Variants in INF2 observed in about 807,000 individuals in gnomAD.
The protein encoded by INF2 is inverted formin-2.
Under a neutral mutation model 123.5 loss-of-function variants are expected in INF2, and 43 were observed. That is an observed-to-expected ratio of 0.35 (90% CI 0.27 to 0.45). The LOEUF (loss-of-function observed/expected upper bound fraction) is 0.45, where lower values mean the gene tolerates loss of function less well. INF2 is among the 20% of genes least tolerant of loss of function. The pLI, the probability that INF2 is intolerant of heterozygous loss-of-function variation, is 1.00. For missense variants in INF2, 1,453 were observed against 1,682.7 expected (o/e 0.86, Z 2.39); for synonymous variants, 851 against 745.0 (o/e 1.14, Z -2.32).
Position 104,722,443 on chromosome 14 carries a change from C to G in INF2, c.*3650C>G, listed in dbSNP as rs992311586. On this transcript the variant is annotated 3_prime_UTR_variant, in exon 23 of 23. Transcript: ENST00000392634. ...GCTGGTGGCCCCCCCCAGGCCTTGGCAGCACCTCCTTGTCTGATGGGACTT... is the reference window on the plus strand; with the variant it reads ...GCTGGTGGCCCCCCCCAGGCCTTGGGAGCACCTCCTTGTCTGATGGGACTT... 2 of 152,300 alleles carry G rather than the reference C, an allele frequency of 1.3e-5. No individual in the cohort carries two copies. Among genetic ancestry groups the G allele is most frequent in the Non-Finnish European group, 2.9e-5 (2 of 68,100 alleles). The allele number at this position is 152,300 out of a possible 1,614,324, so 9.4% of individuals were successfully genotyped here.
In INF2 at chr14:104,712,416, C is replaced by T. The variant is rs765594057; in HGVS notation, c.2490-17C>T. On this transcript the variant is annotated splice_polypyrimidine_tract_variant and intron_variant, in intron 16 of 22. Coordinates refer to ENST00000392634, the MANE Select transcript of INF2 (RefSeq NM_022489.4). ...GTCAGCCGTTGCTGTCTCTGCCCGGCCCTCCTCACCTTTCAGGATCAACCT... is the reference window on the plus strand; with the variant it reads ...GTCAGCCGTTGCTGTCTCTGCCCGGTCCTCCTCACCTTTCAGGATCAACCT... The T allele has an allele frequency of 1.2e-5, 19 of 1,612,094 alleles. No homozygotes were observed. The highest frequency in any genetic ancestry group is 1.4e-5 in the Non-Finnish European group (16 of 1,179,596).
chr14:104,708,834 A>C, intron 10 of INF2, 102 bp downstream of exon 10: 1 of 1,181,542 alleles, frequency 8.5e-7, no homozygotes, highest in Non-Finnish European at 1.3e-6. Context: ...CGCCATGGGA[A>C]GTGCACACTG....
intron 1 of INF2, among the ~76,000 whole-genome samples, chr14:104,683,465 G>C (rs192156872): frequency 7.5e-6 from 1 of 132,780 alleles, no homozygotes; most frequent in Non-Finnish European, 1.6e-5. Context: ...GGGGCAGGGA[G>C]GGAGGTGTTC....
chr14:104,700,008 G>A (rs925506951), intron 1 of INF2, among the ~76,000 whole-genome samples: 1 of 152,150 alleles, frequency 6.6e-6, no homozygotes, highest in African/African-American at 2.4e-5. Context: ...CGTGGACCAG[G>A]CTGGGGAGTG....
chr14:104,713,679 C>T (rs1890160506), intron 20 of INF2, 73 bp downstream of exon 20: 46 of 1,510,890 alleles, frequency 3.0e-5, no homozygotes, highest in Non-Finnish European at 4.1e-5. Flanking sequence ...AGGAAGTCCT[C>T]CTGACTTCAC....
intron 2 of INF2, among the ~76,000 whole-genome samples, chr14:104,702,331 C>G (rs1465246110): frequency 6.6e-6 from 1 of 152,226 alleles, no homozygotes; most frequent in Non-Finnish European, 1.5e-5. Flanking sequence ...TGGTCTCTGC[C>G]TCTGCTCGTG....
At chr14:104,697,136 CAG>C (rs1400329779) in intron 1 of INF2, among the ~76,000 whole-genome samples, 5 of 152,228 alleles carry the variant, frequency 3.3e-5, no homozygotes, top group Non-Finnish European at 7.4e-5. Context: ...GGGGACTTCA[CAG>C]GGGAGGGGGC....
intron 10 of INF2, 69 bp downstream of exon 10, chr14:104,708,801 G>T (rs1257108562): frequency 4.1e-6 from 6 of 1,471,400 alleles, no homozygotes; most frequent in Non-Finnish European, 5.7e-6. Context: ...TCTGACTTGG[G>T]CCCAGCAGTG....
chr14:104,712,503 G>A lies in INF2; in HGVS notation c.2560G>A (p.Val854Met), dbSNP rs763715467. The A allele has an allele frequency of 4.3e-6, 7 of 1,612,572 alleles. No individual in the cohort carries two copies. In the East Asian group the frequency reaches 1.6e-4, roughly 36 times the overall value. ...GAAGCTTCTGGAGACCGAGCGGAAG[G>A]TGTCTGCCTCCGTGGCCGAGGTCCA... is the stretch of plus-strand genomic sequence containing the variant. ...LKKLLETERKVSASVAEVQEQ... is the reference protein window; with the variant it reads ...LKKLLETERKMSASVAEVQEQ... The change falls in exon 17 of 23, where the codon GTG becomes ATG. Residue 854 changes from valine (V) to methionine (M), a missense_variant. Val to Met is a conservative substitution (Grantham distance 21). Coordinates refer to ENST00000392634, the MANE Select transcript of INF2 (RefSeq NM_022489.4).
Position 104,707,790 on chromosome 14 carries a change from C to G in INF2, c.1523C>G (p.Pro508Arg), listed in dbSNP as rs1889856769. Residue 508 changes from proline (P) to arginine (R), a missense_variant, in exon 8 of 23, where the codon CCT becomes CGT. Physicochemically the swap from Pro to Arg is moderately radical, Grantham distance 103. Coordinates refer to ENST00000392634, the MANE Select transcript of INF2 (RefSeq NM_022489.4). ...CCGCCCCCACCCCCACCCCTGCTGC[C>G]TGGTATGGGCTGGGGCCCTCCTCCA... The part of the protein sequence containing the change: ...GCPPPPPPLL[P>R]GMGWGPPPPP... 7.0e-7 allele frequency: 1 copy of G among 1,432,298 alleles called. No individual in the cohort carries two copies. Among genetic ancestry groups the G allele is most frequent in the Admixed American group, 1.9e-5 (1 of 51,490 alleles). 88.7% of individuals were successfully genotyped at this position (1,432,298 alleles called of 1,614,324 possible).
chr14:104,686,689 G>A (rs1374561780), upstream of INF2, among the ~76,000 whole-genome samples: 1 of 152,200 alleles, frequency 6.6e-6, no homozygotes, highest in African/African-American at 2.4e-5. Flanking sequence ...TGAAGGAAAT[G>A]AACCCATGGC....
At chr14:104,717,268 G>A (rs538143111) in intron 22 of INF2, among the ~76,000 whole-genome samples, 6 of 132,456 alleles carry the variant, frequency 4.5e-5, no homozygotes, top group East Asian at 2.2e-4. Flanking sequence ...CGCCCCCACC[G>A]GGCAGGGTGC....
chr14:104,715,464 G>A (rs144987444), intron 22 of INF2, 124 bp downstream of exon 22: 2 of 922,956 alleles, frequency 2.2e-6, no homozygotes, highest in African/African-American at 1.6e-5. Flanking sequence ...TGGTGCGTCA[G>A]TGTGGCCTTG....
intron 1 of INF2, chr14:104,700,864 G>A (rs1377452164): frequency 1.0e-6 from 1 of 985,380 alleles, no homozygotes; most frequent in Non-Finnish European, 1.2e-6. Context: ...GCATGCCTGA[G>A]GTTTGGAATC....
chr14:104,696,500 G>A (rs1889197782), intron 1 of INF2, among the ~76,000 whole-genome samples: 1 of 152,248 alleles, frequency 6.6e-6, no homozygotes, highest in Non-Finnish European at 1.5e-5. Flanking sequence ...GGTCAGTAGA[G>A]GTCCCTCAAG....
In INF2 at chr14:104,721,089, G is replaced by T. The variant is rs551554020; in HGVS notation, c.*2296G>T. ...GTCTCGTGTGGATGCTGCTGTGGAC[G>T]TCTGCGTAGTCTCGTGTGGATGCTG... On this transcript the variant is annotated 3_prime_UTR_variant, in exon 23 of 23. Coordinates refer to ENST00000392634, the MANE Select transcript of INF2 (RefSeq NM_022489.4). 8.1e-4 allele frequency: 72 copies of T among 88,466 alleles called. 18 individuals are homozygous for T. Among genetic ancestry groups the T allele is most frequent in the African/African-American group, 3.9e-3 (65 of 16,532 alleles). The allele number at this position is 88,466 out of a possible 1,614,324, so 5.5% of individuals were successfully genotyped here. A position where few individuals can be genotyped will look rare whatever the true frequency, so the allele number is the denominator to read the frequency against.
At chr14:104,693,612 G>T (rs1364885331) in intron 1 of INF2, among the ~76,000 whole-genome samples, 1 of 152,214 alleles carries the variant, frequency 6.6e-6, no homozygotes, top group Non-Finnish European at 1.5e-5. Context: ...CCAGCCCCTC[G>T]CTCTGCCCAG....
At chr14:104,688,052 A>G (rs1285589041), upstream of INF2, among the ~76,000 whole-genome samples, 3 of 152,272 alleles carry the variant, frequency 2.0e-5, no homozygotes, top group Non-Finnish European at 2.9e-5. Context: ...GAGGGAGGGC[A>G]GGAAGGCCTT....
upstream of INF2, among the ~76,000 whole-genome samples, chr14:104,686,124 ATGGGTAGG>A (rs2140577215): frequency 7.4e-6 from 1 of 135,384 alleles, no homozygotes; most frequent in South Asian, 2.8e-4. Context: ...TGAGTGGATG[ATGGGTAGG>A]TGGATGGGTA....
Sources: allele counts gnomAD v4.1 joint callset (sites outside exome capture counted in the v4.1 genomes callset), GRCh38; gene constraint gnomAD v4.1.1; transcripts MANE v1.5; gene names NCBI Gene and HGNC (gene_info 2026-07-23, HGNC 2026-07-21).